Variants in CHMP7 observed in about 807,000 individuals in gnomAD.
The protein encoded by CHMP7 is CHMP family, member 7.
In CHMP7, 15 loss-of-function variants were observed where a neutral mutation model predicts 53.7. The ratio of observed to expected loss-of-function variants is 0.28; its 90% CI spans 0.19 to 0.43. The LOEUF is 0.43. CHMP7 is among the 20% of genes least tolerant of loss of function. CHMP7 has a pLI of 1.00. For missense variants in CHMP7, 527 were observed against 569.4 expected (o/e 0.93, Z 0.76); for synonymous variants, 261 against 228.0 (o/e 1.14, Z -1.30).
rs995577276 is a variant in CHMP7 at position 23,260,737 on chromosome 8, A to G, written c.*138A>G. 22 of 718,564 alleles carry G rather than the reference A, an allele frequency of 3.1e-5. No homozygotes were observed. Among genetic ancestry groups the G allele is most frequent in the African/African-American group, 2.7e-4 (15 of 56,488 alleles). The allele number at this position is 718,564 out of a possible 1,614,324, so 44.5% of individuals were successfully genotyped here. On this transcript the variant is annotated 3_prime_UTR_variant, in exon 11 of 11. Coordinates refer to ENST00000397677, the MANE Select transcript of CHMP7 (RefSeq NM_152272.5). ...CCACTGATTTTATCTGGATGCTACTACTTACTACAGGACAGATAGAATTTC... is the reference window on the plus strand; with the variant it reads ...CCACTGATTTTATCTGGATGCTACTGCTTACTACAGGACAGATAGAATTTC...
chr8:23,258,293 C>A, intron 6 of CHMP7, 37 bp from the exon 7 acceptor site: 31 of 1,613,778 alleles, frequency 1.9e-5, no homozygotes, highest in Non-Finnish European at 2.5e-5. Context: ...CTTTGGCTCG[C>A]CCAGTTCAGC....
chr8:23,259,506 G>A (rs1246396976), intron 9 of CHMP7, among the ~76,000 whole-genome samples: 2 of 151,904 alleles, frequency 1.3e-5, no homozygotes, highest in African/African-American at 2.4e-5. Context: ...GATTATAGGC[G>A]CCCGCCACCA....
In CHMP7 at chr8:23,260,768, G is replaced by A; in HGVS notation, c.*169G>A. 4.7e-6 allele frequency: 3 copies of A among 636,760 alleles called. No homozygotes were observed. Among genetic ancestry groups the A allele is most frequent in the East Asian group, 5.4e-5 (2 of 36,844 alleles). The allele number at this position is 636,760 out of a possible 1,614,324, so 39.4% of individuals were successfully genotyped here. ...TACAGGACAGATAGAATTTCTGGAA[G>A]CGATGCTCCAAAGGCTTGCTCCCAG... On this transcript the variant is annotated 3_prime_UTR_variant, in exon 11 of 11. Transcript: ENST00000397677.
At chr8:23,257,402 G>A (rs1429766250) in intron 5 of CHMP7, among the ~76,000 whole-genome samples, 3 of 152,144 alleles carry the variant, frequency 2.0e-5, no homozygotes, top group African/African-American at 7.2e-5. Context: ...AGCTGAAAAC[G>A]TGAGTCTTAA....
rs572984074 is a variant in CHMP7, at chr8:23,250,166, C to T, written c.471+785C>T. Reference sequence around the variant, plus strand: ...TTCTTTCTCTCTGTCCCCTCACACGCTCATTCCATCCTGTGTCCTCTTTGC... The same window carrying T: ...TTCTTTCTCTCTGTCCCCTCACACGTTCATTCCATCCTGTGTCCTCTTTGC... On this transcript the variant is annotated intron_variant, in intron 3 of 10. Transcript: ENST00000397677. 2.0e-5 allele frequency among the ~76,000 whole-genome samples: 3 copies of T among 152,264 alleles called. No individual in the cohort carries two copies. In the East Asian group the frequency reaches 5.8e-4, roughly 29 times the overall value.
chr8:23,245,622 T>C (rs903739047), intron 1 of CHMP7, among the ~76,000 whole-genome samples: 4 of 152,246 alleles, frequency 2.6e-5, no homozygotes, highest in African/African-American at 7.2e-5. Context: ...GGCGTTAGGG[T>C]AATCCTTGCC....
chr8:23,248,071 C>G, intron 2 of CHMP7: 1 of 456,204 alleles, frequency 2.2e-6, no homozygotes, highest in Non-Finnish European at 4.4e-6. Flanking sequence ...CTCAGCCTCC[C>G]AAAGTGTTAA....
chr8:23,255,104 G>T, intron 3 of CHMP7, 143 bp from the exon 4 acceptor site: 1 of 784,114 alleles, frequency 1.3e-6, no homozygotes, highest in Non-Finnish European at 2.1e-6. Flanking sequence ...CCTCCTTTTT[G>T]AAAAGCCGCT....
In CHMP7 at chr8:23,249,370, G is replaced by C; in HGVS notation, c.460G>C (p.Glu154Gln). Residue 154 changes from glutamate (E) to glutamine (Q), a missense_variant, in exon 3 of 11, where the codon GAG becomes CAG. Glu to Gln is a conservative substitution (Grantham distance 29, BLOSUM62 2). Coordinates refer to ENST00000397677, the MANE Select transcript of CHMP7 (RefSeq NM_152272.5). ...VPAEEVLVAVELLKEKAEEVY... is the reference protein window; with the variant it reads ...VPAEEVLVAVQLLKEKAEEVY... ...AGCTGAGGAGGTCCTTGTCGCTGTG[G>C]AGCTGTTGAAGGTGGGTACTCAGAA... is the stretch of plus-strand genomic sequence containing the variant. The C allele has an allele frequency of 6.2e-7, 1 of 1,602,926 alleles. No individual in the cohort carries two copies. The highest frequency in any genetic ancestry group is 8.5e-7 in the Non-Finnish European group (1 of 1,174,536).
intron 2 of CHMP7, chr8:23,247,997 T>C (rs1267249082): frequency 2.2e-6 from 1 of 447,162 alleles, no homozygotes; most frequent in Non-Finnish European, 4.6e-6. Flanking sequence ...TACCTTCCCA[T>C]TGGACTGGAC....
Position 23,260,131 on chromosome 8 carries a change from C to G in CHMP7, c.1121-13C>G. ...TTGAGTTTATGCATCTTTATGTTGTCTTTTCTTTCCAGATTTTGACAGTGA... is the reference window on the plus strand; with the variant it reads ...TTGAGTTTATGCATCTTTATGTTGTGTTTTCTTTCCAGATTTTGACAGTGA... On this transcript the variant is annotated splice_polypyrimidine_tract_variant and intron_variant, in intron 9 of 10. Transcript: ENST00000397677. 1.2e-6 allele frequency: 2 copies of G among 1,611,852 alleles called. No homozygotes were observed. Among genetic ancestry groups the G allele is most frequent in the Non-Finnish European group, 1.7e-6 (2 of 1,178,036 alleles).
At position 23,258,803 on chromosome 8, in the gene CHMP7, A is replaced by G. The variant is rs1802244369; in HGVS notation, c.1032A>G (p.Ala344=). 1 of 1,613,078 alleles carries G rather than the reference A, an allele frequency of 6.2e-7. No homozygotes were observed. Among genetic ancestry groups the G allele is most frequent in the African/African-American group, 1.3e-5 (1 of 74,888 alleles). The part of the protein sequence containing the change: ...LSMKDVTVEK[A]ESLVDQIQEL... ...TGAAGGATGTCACAGTGGAGAAGGC[A>G]GAGAGCCTCGTGGATCAGATCCAAG... The change falls in exon 8 of 11, where the codon GCA becomes GCG. Residue 344 remains alanine, a synonymous_variant. Coordinates refer to ENST00000397677, the MANE Select transcript of CHMP7 (RefSeq NM_152272.5).
At chr8:23,257,909 T>C in intron 5 of CHMP7, 124 bp from the exon 6 acceptor site, 6 of 680,618 alleles carry the variant, frequency 8.8e-6, no homozygotes, top group South Asian at 3.7e-5. Context: ...TTCTTGCCAC[T>C]GGGTATTGGG....
In CHMP7 at chr8:23,261,816, C is replaced by T. The variant is rs534206875; in HGVS notation, c.*1217C>T. 3 of 152,806 alleles carry T rather than the reference C, an allele frequency of 2.0e-5. No individual in the cohort carries two copies. Among genetic ancestry groups the T allele is most frequent in the Admixed American group, 6.5e-5 (1 of 15,302 alleles). 9.5% of individuals were successfully genotyped at this position (152,806 alleles called of 1,614,324 possible). ...CTGCCTGGAGCCCTTTGCCCTGTCC[C>T]TGCTGCCTGAGGTGGCGTAGAGCAG... On this transcript the variant is annotated 3_prime_UTR_variant, in exon 11 of 11. Coordinates refer to ENST00000397677, the MANE Select transcript of CHMP7 (RefSeq NM_152272.5).
At chr8:23,260,026 T>TC in intron 9 of CHMP7, 118 bp from the exon 10 acceptor site, 4 of 746,342 alleles carry the variant, frequency 5.4e-6, no homozygotes, top group Non-Finnish European at 8.7e-6. Flanking sequence ...TTTTTTAATC[T>TC]GCAAGGAGGC....
At chr8:23,251,470 T>C (rs1192392600) in intron 3 of CHMP7, among the ~76,000 whole-genome samples, 1 of 152,238 alleles carries the variant, frequency 6.6e-6, no homozygotes, top group Admixed American at 6.5e-5. Context: ...CCTGAAAATC[T>C]TATTCACTTG....
intron 9 of CHMP7, among the ~76,000 whole-genome samples, 187 bp downstream of exon 9, chr8:23,259,313 C>A (rs112569114): frequency 1.1e-4 from 16 of 149,180 alleles, no homozygotes; most frequent in Non-Finnish European, 1.9e-4. Context: ...GGACTACAGG[C>A]GCCTGCCACT....
rs1281629772 is a variant in CHMP7, at chr8:23,257,916, T to TG, written c.792-114dup. 1.7e-5 allele frequency: 12 copies of TG among 706,994 alleles called. No individual in the cohort carries two copies. In the African/African-American group the frequency reaches 2.1e-4, roughly 13 times the overall value. 43.8% of individuals were successfully genotyped at this position (706,994 alleles called of 1,614,324 possible). On this transcript the variant is annotated intron_variant, in intron 5 of 10. Coordinates refer to ENST00000397677, the MANE Select transcript of CHMP7 (RefSeq NM_152272.5). The stretch of plus-strand genomic sequence containing the variant: ...CATCAGTTTTCTTGCCACTGGGTAT[T>TG]GGGTTTAGTCTTCAGATTTAAAACC...
At chr8:23,250,828 C>T (rs1040882518) in intron 3 of CHMP7, among the ~76,000 whole-genome samples, 1 of 152,182 alleles carries the variant, frequency 6.6e-6, no homozygotes, top group Non-Finnish European at 1.5e-5. Context: ...ACCCATTTCT[C>T]CTCACCTTGA....
Sources: allele counts gnomAD v4.1 joint callset (sites outside exome capture counted in the v4.1 genomes callset), GRCh38; gene constraint gnomAD v4.1.1; transcripts MANE v1.5; gene names NCBI Gene and HGNC (gene_info 2026-07-23, HGNC 2026-07-21).